Variants in TMCO4 observed in about 807,000 individuals in gnomAD.
TMCO4 encodes the protein transmembrane and coiled-coil domains 4, also known as transmembrane and coiled-coil domain-containing protein 4.
A neutral mutation model predicts 64.7 loss-of-function variants in TMCO4; 58 were observed. The ratio of observed to expected loss-of-function variants is 0.90; its 90% CI spans 0.73 to 1.12. The LOEUF is 1.12. Among genes scored for constraint, TMCO4 ranks in the 50% most tolerant of loss-of-function variants. The pLI is 0.00. For missense variants in TMCO4, 780 were observed against 825.9 expected, an observed-to-expected ratio of 0.94 and a Z score of 0.68; for synonymous variants, 325 against 346.1, an observed-to-expected ratio of 0.94 and a Z score of 0.68.
chr1:19,697,087 G>A (rs1267070099), intron 14 of TMCO4, among the ~76,000 whole-genome samples: 4 of 152,220 alleles, frequency 2.6e-5, no homozygotes, highest in Non-Finnish European at 5.9e-5. Context: ...CAGGTGTTCA[G>A]GGAGCCGCGG....
intron 10 of TMCO4, among the ~76,000 whole-genome samples, chr1:19,741,229 G>C (rs568012738): frequency 2.7e-4 from 41 of 152,358 alleles, no homozygotes; most frequent in African/African-American, 9.9e-4. Flanking sequence ...GTGAAGTGGG[G>C]AGATGGTTTA....
chr1:19,739,119 G>A (rs913755329), intron 12 of TMCO4, among the ~76,000 whole-genome samples: 3 of 152,096 alleles, frequency 2.0e-5, no homozygotes, highest in Non-Finnish European at 4.4e-5. Context: ...GTTATTTTGG[G>A]TTTTCTCCCA....
intron 15 of TMCO4, among the ~76,000 whole-genome samples, chr1:19,693,164 C>CACA (rs746759726): frequency 0.078 from 1,557 of 19,984 alleles, 575 homozygotes; most frequent in Non-Finnish European, 0.13. Flanking sequence ...GACCCCATCT[C>CACA]AAAAAAAAAA....
intron 13 of TMCO4, among the ~76,000 whole-genome samples, chr1:19,705,211 G>A (rs1056033303): frequency 1.3e-5 from 2 of 152,134 alleles, no homozygotes; most frequent in African/African-American, 4.8e-5. Context: ...AGCACTTTGG[G>A]AGGCTGAGGC....
intron 14 of TMCO4, among the ~76,000 whole-genome samples, chr1:19,699,277 A>G (rs1398000714): frequency 6.6e-6 from 1 of 151,986 alleles, no homozygotes; most frequent in African/African-American, 2.4e-5. Flanking sequence ...GCACCTACTA[A>G]GTGCCAGTTC....
chr1:19,721,235 G>A (rs2095381586), intron 13 of TMCO4, among the ~76,000 whole-genome samples: 1 of 152,170 alleles, frequency 6.6e-6, no homozygotes, highest in South Asian at 2.1e-4. Flanking sequence ...GACTCAGACA[G>A]CCATCAGGGC....
chr1:19,769,473 A>G (rs987588732), intron 6 of TMCO4, among the ~76,000 whole-genome samples: 3 of 151,970 alleles, frequency 2.0e-5, no homozygotes, highest in Non-Finnish European at 4.4e-5. Context: ...CCTTCCCACT[A>G]TGAAATTCTG....
At chr1:19,797,922 G>A (rs1571091576) in intron 2 of TMCO4, 2 of 150,804 alleles carry the variant, frequency 1.3e-5, no homozygotes, top group East Asian at 3.7e-4. Flanking sequence ...GAGGGAGGGA[G>A]GGAGGGAGAG....
At position 19,780,655 on chromosome 1, in the gene TMCO4, G is replaced by C. The variant is rs754174648; in HGVS notation, c.104C>G (p.Thr35Ser). 1 of 1,614,062 alleles carries C rather than the reference G, an allele frequency of 6.2e-7. No homozygotes were observed. The highest frequency in any genetic ancestry group is 8.5e-7 in the Non-Finnish European group (1 of 1,179,984). Residue 35 changes from threonine to serine, a missense_variant, in exon 4 of 16, where the codon ACT becomes AGT. Coordinates refer to ENST00000294543, the MANE Select transcript of TMCO4 (RefSeq NM_181719.7). ...AGCATAGGCGAAGCGGTTGGCCTCA[G>C]TCAGCTCCCGGCCCGTGGGCAGGTG... is the stretch of plus-strand genomic sequence containing the variant. ...EPHLPTGREL[T>S]EANRFAYAAL...
Position 19,734,511 on chromosome 1 carries a change from T to G in TMCO4, c.1264+2861A>C, listed in dbSNP as rs1212898475. Among the ~76,000 whole-genome samples, 1 of 152,074 alleles carries G rather than the reference T, an allele frequency of 6.6e-6. No individual in the cohort carries two copies. The highest frequency in any genetic ancestry group is 2.4e-5 in the African/African-American group (1 of 41,404). ...TCCACAGTTTAAAGACCTCAATCTT[T>G]CCCCAGCGTTGAACCAGTTGTTTCC... On this transcript the variant is annotated intron_variant, in intron 13 of 15. Transcript: ENST00000294543. The surrounding 1 kb of genome is among the most constrained non-coding windows in gnomAD (Gnocchi z 4.4).
rs1365590694 is a variant in TMCO4 at position 19,682,934 on chromosome 1, G to A, written c.*106C>T. 8.1e-6 allele frequency: 11 copies of A among 1,365,530 alleles called. No individual in the cohort carries two copies. The highest frequency in any genetic ancestry group is 2.3e-5 in the Admixed American group (1 of 44,388). The allele number at this position is 1,365,530 out of a possible 1,614,324, so 84.6% of individuals were successfully genotyped here. On this transcript the variant is annotated 3_prime_UTR_variant, in exon 16 of 16. Coordinates refer to ENST00000294543, the MANE Select transcript of TMCO4 (RefSeq NM_181719.7). The stretch of plus-strand genomic sequence containing the variant: ...TCCAATTCCTTCCATTTAGGAAAGA[G>A]GCCTGTGGAAATCCTGTACCTCCAG...
chr1:19,696,453 G>A (rs2095237974), intron 14 of TMCO4, among the ~76,000 whole-genome samples: 1 of 152,110 alleles, frequency 6.6e-6, no homozygotes, highest in African/African-American at 2.4e-5. Flanking sequence ...GGGAGGCTGA[G>A]GCAGGAGGAT....
chr1:19,765,559 C>CG (rs1557590777), intron 6 of TMCO4, among the ~76,000 whole-genome samples: 22 of 152,202 alleles, frequency 1.4e-4, no homozygotes, highest in African/African-American at 4.6e-4. Context: ...AGAATAGCCC[C>CG]CCACAACAGA....
At chr1:19,781,237 G>A (rs1018848298) in intron 3 of TMCO4, among the ~76,000 whole-genome samples, 1 of 151,842 alleles carries the variant, frequency 6.6e-6, no homozygotes, top group African/African-American at 2.4e-5. Flanking sequence ...GAGGTAGGAG[G>A]ACTGATTGAG....
chr1:19,700,921 C>T, intron 13 of TMCO4, 36 bp from the exon 14 acceptor site: 1 of 1,583,066 alleles, frequency 6.3e-7, no homozygotes, highest in Non-Finnish European at 8.7e-7. Context: ...GTCAGTGTCC[C>T]TGGCCACATT....
intron 7 of TMCO4, among the ~76,000 whole-genome samples, chr1:19,753,042 C>G (rs985144184): frequency 5.3e-5 from 8 of 151,934 alleles, no homozygotes; most frequent in Non-Finnish European, 7.4e-5. Flanking sequence ...TCACTGCAAC[C>G]TCCGCCTCCT....
intron 3 of TMCO4, among the ~76,000 whole-genome samples, chr1:19,781,100 G>A (rs541618114): frequency 9.5e-5 from 14 of 147,814 alleles, no homozygotes; most frequent in African/African-American, 2.3e-4. Context: ...AGCCGAGATC[G>A]CGCCACGGCA....
At chr1:19,741,634 C>A (rs1191356935) in intron 10 of TMCO4, among the ~76,000 whole-genome samples, 1 of 152,154 alleles carries the variant, frequency 6.6e-6, no homozygotes, top group African/African-American at 2.4e-5. Context: ...TCCCCTCCTT[C>A]CTTGCCCACC....
chr1:19,690,434 A>C (rs1376995447), intron 15 of TMCO4, among the ~76,000 whole-genome samples: 1 of 152,236 alleles, frequency 6.6e-6, no homozygotes, highest in Non-Finnish European at 1.5e-5. Flanking sequence ...ACCCCTGCCC[A>C]GGTGCTGCCA....
Sources: allele counts gnomAD v4.1 joint callset (sites outside exome capture counted in the v4.1 genomes callset), GRCh38; gene constraint gnomAD v4.1.1; non-coding constraint Gnocchi (gnomAD v3.1); transcripts MANE v1.5; gene names NCBI Gene and HGNC (gene_info 2026-07-23, HGNC 2026-07-21).